The following GRIK3 variants were observed in gnomAD, a reference collection of about 807,000 sequenced individuals.
GRIK3 encodes the protein glutamate receptor ionotropic, kainate 3.
GRIK3 carries 29 observed loss-of-function variants against 102.5 expected under a neutral mutation model. The ratio of observed to expected loss-of-function variants is 0.28; its 90% confidence interval spans 0.21 to 0.39. GRIK3 has a LOEUF of 0.39. Among genes scored for constraint, GRIK3 ranks in the 10% least tolerant of loss-of-function variants. GRIK3 has a pLI of 1.00. For synonymous variants in GRIK3, 511 were observed against 504.9 expected (o/e 1.01, Z -0.16); for missense variants, 908 against 1,252.4 (o/e 0.73, Z 4.15).
chr1:36,984,474 G>A (rs943137688), intron 1 of GRIK3, among the ~76,000 whole-genome samples: 1 of 152,240 alleles, frequency 6.6e-6, no homozygotes, highest in African/African-American at 2.4e-5. Flanking sequence ...GGCAGCCAGA[G>A]ATCCTCCTCC....
intron 1 of GRIK3, among the ~76,000 whole-genome samples, chr1:36,945,493 G>C (rs745986734): frequency 6.6e-6 from 1 of 152,170 alleles, no homozygotes; most frequent in Non-Finnish European, 1.5e-5. Flanking sequence ...GACTTGCGAC[G>C]TCATTTAGAC....
At chr1:37,009,896 G>C (rs558364586) in intron 1 of GRIK3, among the ~76,000 whole-genome samples, 6 of 152,232 alleles carry the variant, frequency 3.9e-5, no homozygotes, top group South Asian at 4.2e-4. Flanking sequence ...GGACTGTTGG[G>C]GGGAGCTTGG....
chr1:37,013,881 G>A (rs1282996910), intron 1 of GRIK3, among the ~76,000 whole-genome samples: 1 of 152,238 alleles, frequency 6.6e-6, no homozygotes, highest in Non-Finnish European at 1.5e-5. Context: ...GTTGGAGCAG[G>A]GCTTTGGAAA....
intron 11 of GRIK3, among the ~76,000 whole-genome samples, chr1:36,821,584 G>A (rs947723610): frequency 1.3e-5 from 2 of 152,204 alleles, no homozygotes; most frequent in African/African-American, 4.8e-5. Context: ...AGACACCACC[G>A]GGTCCCAGGA....
chr1:37,014,834 C>T (rs1447118832), intron 1 of GRIK3, among the ~76,000 whole-genome samples: 1 of 147,454 alleles, frequency 6.8e-6, no homozygotes, highest in Admixed American at 6.7e-5. Flanking sequence ...GCCATTTAGC[C>T]TCTTTTCTTA....
intron 1 of GRIK3, among the ~76,000 whole-genome samples, chr1:36,948,911 T>G (rs1641812777): frequency 6.6e-6 from 1 of 152,188 alleles, no homozygotes; most frequent in South Asian, 2.1e-4. Context: ...CTGAGCTGGC[T>G]GCTCCTCAAG....
At chr1:37,010,896 C>T (rs1398611339) in intron 1 of GRIK3, among the ~76,000 whole-genome samples, 3 of 152,036 alleles carry the variant, frequency 2.0e-5, no homozygotes, top group African/African-American at 4.8e-5. Flanking sequence ...CGCCCACCAC[C>T]GCGCCCGGCT....
Position 36,998,580 on chromosome 1 carries a change from G to A in GRIK3, c.115+35414C>T, listed in dbSNP as rs147546798. On this transcript the variant is annotated intron_variant, in intron 1 of 15. Coordinates refer to ENST00000373091, the MANE Select transcript of GRIK3 (RefSeq NM_000831.4). ...TTCTTCACTGTGGTCATCACTGATC[G>A]GACTCCCCATGTGCCAAGCACTGTG... Among the ~76,000 whole-genome samples, 303 of 152,282 alleles carry A rather than the reference G, an allele frequency of 2.0e-3. 3 individuals carry two copies. Among genetic ancestry groups the A allele is most frequent in the African/African-American group, 2.2e-3 (92 of 41,568 alleles).
At chr1:36,820,598 A>C (rs1404356654) in intron 11 of GRIK3, among the ~76,000 whole-genome samples, 1 of 152,194 alleles carries the variant, frequency 6.6e-6, no homozygotes, top group Admixed American at 6.5e-5. Flanking sequence ...GCATTACATA[A>C]ATTTTTAAAA....
chr1:36,915,139 G>C (rs1269072681), intron 1 of GRIK3, among the ~76,000 whole-genome samples: 11 of 152,210 alleles, frequency 7.2e-5, no homozygotes, highest in Admixed American at 6.5e-4. Flanking sequence ...CCCACCATGT[G>C]TCAAGTACTG....
intron 1 of GRIK3, among the ~76,000 whole-genome samples, chr1:36,961,123 T>A (rs1256559230): frequency 6.6e-6 from 1 of 152,222 alleles, no homozygotes; most frequent in Non-Finnish European, 1.5e-5. Flanking sequence ...CGGTGATGCC[T>A]CTTCTCCCCT....
chr1:36,962,197 C>T (rs1018163833), intron 1 of GRIK3, among the ~76,000 whole-genome samples: 14 of 152,130 alleles, frequency 9.2e-5, no homozygotes, highest in African/African-American at 3.1e-4. Flanking sequence ...TGAACAGGTT[C>T]GCATGTATCA....
chr1:36,886,678 T>C (rs1447641082), intron 2 of GRIK3, among the ~76,000 whole-genome samples: 1 of 152,230 alleles, frequency 6.6e-6, no homozygotes. Flanking sequence ...TATAGTAAAG[T>C]GCATTAATGT....
chr1:37,032,778 G>A (rs944788331), intron 1 of GRIK3, among the ~76,000 whole-genome samples: 4 of 152,154 alleles, frequency 2.6e-5, no homozygotes, highest in Non-Finnish European at 5.9e-5. Context: ...AAGAGGGTCC[G>A]GCTCCCGGGC....
chr1:36,840,783 T>A (rs1640438355), intron 10 of GRIK3, among the ~76,000 whole-genome samples: 1 of 152,044 alleles, frequency 6.6e-6, no homozygotes, highest in African/African-American at 2.4e-5. Context: ...ATTGATGAAC[T>A]TACCCGGTCA....
intron 1 of GRIK3, among the ~76,000 whole-genome samples, chr1:36,966,533 G>A (rs1369711562): frequency 6.6e-6 from 1 of 152,116 alleles, no homozygotes; most frequent in East Asian, 1.9e-4. Context: ...ACTTCCCACA[G>A]TTGAAGTTAG....
At chr1:36,846,547 T>A (rs1291259325) in intron 9 of GRIK3, among the ~76,000 whole-genome samples, 1 of 152,160 alleles carries the variant, frequency 6.6e-6, no homozygotes, top group Admixed American at 6.5e-5. Flanking sequence ...GGGACCTGCC[T>A]GTCACTCAAA....
intron 1 of GRIK3, among the ~76,000 whole-genome samples, chr1:37,033,113 T>C (rs527748607): frequency 1.3e-5 from 2 of 152,146 alleles, no homozygotes; most frequent in Non-Finnish European, 2.9e-5. Flanking sequence ...GCCCGGGACA[T>C]GCGCGGCGCT....
chr1:36,997,577 C>T (rs1033435710), intron 1 of GRIK3, among the ~76,000 whole-genome samples: 20 of 152,158 alleles, frequency 1.3e-4, no homozygotes, highest in Admixed American at 2.6e-4. Context: ...ACATCTGGAG[C>T]GGTGGAGGTG....
Sources: allele counts gnomAD v4.1 joint callset (sites outside exome capture counted in the v4.1 genomes callset), GRCh38; gene constraint gnomAD v4.1.1; transcripts MANE v1.5; gene names NCBI Gene and HGNC (gene_info 2026-07-23, HGNC 2026-07-21).